Variants in DLG5 observed in about 807,000 individuals in gnomAD.
The protein encoded by DLG5 is disks large homolog 5.
Under a neutral mutation model 189.8 loss-of-function variants are expected in DLG5, and 48 were observed. That is an observed-to-expected ratio of 0.25 (90% CI 0.20 to 0.32). The LOEUF (loss-of-function observed/expected upper bound fraction) is 0.32, where lower values mean the gene tolerates loss of function less well. DLG5 is among the 10% of genes least tolerant of loss of function. The pLI is 1.00. For missense variants in DLG5, 2,160 were observed against 2,544.7 expected (o/e 0.85, Z 3.25); for synonymous variants, 1,016 against 1,054.1 (o/e 0.96, Z 0.70).
At chr10:77,839,201 T>C (rs1288827829) in intron 7 of DLG5, among the ~76,000 whole-genome samples, 1 of 152,174 alleles carries the variant, frequency 6.6e-6, no homozygotes, top group Non-Finnish European at 1.5e-5. Context: ...ACGATTAACT[T>C]CAAAGATCTC....
At chr10:77,835,958 G>A (rs1280742521) in intron 7 of DLG5, 36 bp from the exon 8 acceptor site, 6 of 1,587,776 alleles carry the variant, frequency 3.8e-6, no homozygotes, top group Non-Finnish European at 5.2e-6. Context: ...GGGAGAGGTT[G>A]CTGAGCCTCA....
intron 2 of DLG5, among the ~76,000 whole-genome samples, chr10:77,863,856 C>T (rs911664775): frequency 1.3e-5 from 2 of 152,280 alleles, no homozygotes; most frequent in South Asian, 2.1e-4. Context: ...GCCAGCCCTG[C>T]GCTGCTCTTT....
At chr10:77,929,335 C>G (rs939416752), upstream of DLG5, 1 of 152,180 alleles carries the variant, frequency 6.6e-6, no homozygotes. Flanking sequence ...AGTTACCACC[C>G]GGACCAATTT....
At chr10:77,885,237 T>C (rs1299435202) in intron 1 of DLG5, among the ~76,000 whole-genome samples, 1 of 151,582 alleles carries the variant, frequency 6.6e-6, no homozygotes, top group Non-Finnish European at 1.5e-5. Flanking sequence ...ATGCCTACGC[T>C]CAGAAAACAG....
chr10:77,935,655 G>A, the DLG5 span, among the ~76,000 whole-genome samples: 5 of 152,322 alleles, frequency 3.3e-5, no homozygotes, highest in East Asian at 1.9e-4. Context: ...GCATGTTAGC[G>A]CATGCGTGTG....
chr10:77,900,020 A>G (rs1299355221), intron 1 of DLG5, among the ~76,000 whole-genome samples: 1 of 152,236 alleles, frequency 6.6e-6, no homozygotes, highest in Non-Finnish European at 1.5e-5. Flanking sequence ...AGGAAGAGAT[A>G]AACACTTAGT....
intron 5 of DLG5, among the ~76,000 whole-genome samples, chr10:77,849,692 G>A (rs1293190802): frequency 6.6e-6 from 1 of 152,194 alleles, no homozygotes; most frequent in Admixed American, 6.5e-5. Flanking sequence ...CTGCAAGGTG[G>A]GGGAAGAAGA....
At chr10:77,890,462 T>G (rs950599350) in intron 1 of DLG5, among the ~76,000 whole-genome samples, 12 of 152,152 alleles carry the variant, frequency 7.9e-5, no homozygotes, top group African/African-American at 2.7e-4. Flanking sequence ...GCAAGGTACA[T>G]AATACCTCTC....
Position 77,812,022 on chromosome 10 carries a change from C to T in DLG5, c.4224G>A (p.Gln1408=). 6.2e-7 allele frequency: 1 copy of T among 1,611,234 alleles called. No homozygotes were observed. ...NGINLRSATE[Q]QARLIIGQQC... is the part of the protein sequence containing the mutation. ...GCTGCCCGATGATGAGCCGCGCCTG[C>T]TGCTCCGTGGCGCTCCGCAGGTTTA... The change falls in exon 22 of 32, where the codon CAG becomes CAA. Residue 1408 remains glutamine, a synonymous_variant. Coordinates refer to ENST00000372391, the MANE Select transcript of DLG5 (RefSeq NM_004747.4).
At chr10:77,871,876 C>A (rs1436011195) in intron 1 of DLG5, among the ~76,000 whole-genome samples, 1 of 152,104 alleles carries the variant, frequency 6.6e-6, no homozygotes, top group African/African-American at 2.4e-5. Context: ...ATCTCTCTTT[C>A]TATATCATAC....
chr10:77,902,978 C>T (rs1003047628), intron 1 of DLG5, among the ~76,000 whole-genome samples: 6 of 152,084 alleles, frequency 3.9e-5, no homozygotes, highest in African/African-American at 4.8e-5. Flanking sequence ...AATAAATAAA[C>T]GAGCCATTGA....
intron 1 of DLG5, among the ~76,000 whole-genome samples, chr10:77,910,957 C>T (rs1846201262): frequency 7.1e-6 from 1 of 141,144 alleles, no homozygotes; most frequent in African/African-American, 2.7e-5. Flanking sequence ...GGAGTGCAGC[C>T]TGTGTGACAG....
chr10:77,902,720 C>T lies in DLG5; in HGVS notation c.304+23497G>A, dbSNP rs143483910. On this transcript the variant is annotated intron_variant, in intron 1 of 31. Coordinates refer to ENST00000372391, the MANE Select transcript of DLG5 (RefSeq NM_004747.4). The stretch of plus-strand genomic sequence containing the variant: ...CTAAAAATACAAAAAATTAGCTAGG[C>T]GTGGTGGCATGCGCTTGTAGTCCCA... 5.4e-3 allele frequency among the ~76,000 whole-genome samples: 816 copies of T among 152,068 alleles called. 30 individuals carry two copies. In the East Asian group the frequency reaches 0.12, roughly 21 times the overall value.
chr10:77,920,390 G>A (rs939875911), intron 1 of DLG5, among the ~76,000 whole-genome samples: 14 of 152,182 alleles, frequency 9.2e-5, no homozygotes, highest in Non-Finnish European at 1.8e-4. Context: ...AGCAATGACC[G>A]CCTGTGCTAA....
chr10:77,883,026 A>G (rs1294172734), intron 1 of DLG5, among the ~76,000 whole-genome samples: 4 of 152,042 alleles, frequency 2.6e-5, no homozygotes, highest in South Asian at 2.1e-4. Context: ...GTTTCACGCA[A>G]TTCTACGCTG....
At chr10:77,837,962 G>C (rs973338553) in intron 7 of DLG5, among the ~76,000 whole-genome samples, 2 of 152,220 alleles carry the variant, frequency 1.3e-5, no homozygotes, top group Non-Finnish European at 2.9e-5. Context: ...GAGAGTCCCA[G>C]GGGAGGATGG....
chr10:77,905,978 G>A (rs557955056), intron 1 of DLG5, among the ~76,000 whole-genome samples: 77 of 152,260 alleles, frequency 5.1e-4, no homozygotes, highest in African/African-American at 1.6e-3. Context: ...TGCCTGCCAC[G>A]TGTGCTTCTC....
chr10:77,834,474 G>C (rs988344982), intron 8 of DLG5, among the ~76,000 whole-genome samples: 5 of 152,258 alleles, frequency 3.3e-5, no homozygotes, highest in Admixed American at 2.6e-4. Flanking sequence ...CACAGGCAGA[G>C]CTTTCTAGAG....
chr10:77,812,435 C>A, intron 20 of DLG5, 58 bp from the exon 21 acceptor site: 6 of 1,571,364 alleles, frequency 3.8e-6, no homozygotes, highest in Non-Finnish European at 5.2e-6. Context: ...TTGGGGAGAG[C>A]CTGAGCTCTC....
Sources: gnomAD v4.1 joint callset for allele counts (sites outside exome capture counted in the v4.1 genomes callset) on GRCh38, gnomAD v4.1.1 for gene constraint, MANE v1.5 for transcripts, NCBI Gene and HGNC (gene_info 2026-07-23, HGNC 2026-07-21) for gene names.